YIPF3: variants seen among roughly 807,000 people sequenced by gnomAD.
YIPF3 encodes the protein protein YIPF3.
A neutral mutation model predicts 40.3 loss-of-function variants in YIPF3; 18 were observed. The observed-to-expected ratio is 0.45, with a 90% CI of 0.31 to 0.66. YIPF3 has a LOEUF of 0.66. Among genes scored for constraint, YIPF3 ranks in the 30% least tolerant of loss-of-function variants. YIPF3 has a pLI of 0.07. For missense variants in YIPF3, 406 were observed against 452.2 expected (o/e 0.90, Z 0.93); for synonymous variants, 190 against 179.6 (o/e 1.06, Z -0.46).
intron 1 of YIPF3, 75 bp downstream of exon 1, chr6:43,516,652 A>AGG: frequency 6.5e-7 from 1 of 1,548,562 alleles, no homozygotes; most frequent in South Asian, 1.1e-5. Flanking sequence ...CCAGGCCCAG[A>AGG]GGGGGAATCC....
intron 3 of YIPF3, 76 bp downstream of exon 3, chr6:43,515,519 G>A (rs1470880327): frequency 2.0e-6 from 3 of 1,495,014 alleles, no homozygotes; most frequent in Admixed American, 1.7e-5. Context: ...CAGAGCCCAG[G>A]GCTTGAAATC....
At position 43,516,578 on chromosome 6, in the gene YIPF3, A is replaced by G. The variant is rs567012813; in HGVS notation, c.81+149T>C. The G allele has an allele frequency of 2.0e-5, 19 of 927,066 alleles. No individual in the cohort carries two copies. In the African/African-American group the frequency reaches 2.5e-4, roughly 12 times the overall value. The allele number at this position is 927,066 out of a possible 1,614,324, so 57.4% of individuals were successfully genotyped here. On this transcript the variant is annotated intron_variant, in intron 1 of 8. Coordinates refer to ENST00000372422, the MANE Select transcript of YIPF3 (RefSeq NM_015388.4). ...AGTCTGGCCCTTTCAGGTCAATGTT[A>G]ATCCCACTGACTTTAGTGTGCACGA... is the stretch of plus-strand genomic sequence containing the variant.
chr6:43,512,684 A>T (rs1294264205), intron 7 of YIPF3, 77 bp downstream of exon 7: 2 of 1,559,294 alleles, frequency 1.3e-6, no homozygotes, highest in East Asian at 4.6e-5. Flanking sequence ...GCTCTTTGTG[A>T]GATGGACAGC....
At position 43,512,236 on chromosome 6, in the gene YIPF3, A is replaced by G. The variant is rs1792685657; in HGVS notation, c.984T>C (p.Ala328=). 6.2e-7 allele frequency: 1 copy of G among 1,614,028 alleles called. No individual in the cohort carries two copies. Among genetic ancestry groups the G allele is most frequent in the African/African-American group, 1.3e-5 (1 of 74,952 alleles). The part of the protein sequence containing the change: ...VPRDIPAMLP[A]ARLPTTVLNA... ...TGAGGACGGTGGTGGGAAGCCGAGCAGCAGGGAGCATGGCAGGGATGTCTC... is the reference window on the plus strand; with the variant it reads ...TGAGGACGGTGGTGGGAAGCCGAGCGGCAGGGAGCATGGCAGGGATGTCTC... The change falls in exon 9 of 9, where the codon GCT becomes GCC. Residue 328 remains alanine (A), a synonymous_variant. Coordinates refer to ENST00000372422, the MANE Select transcript of YIPF3 (RefSeq NM_015388.4).
chr6:43,513,674 G>A (rs760114710), intron 3 of YIPF3, 41 bp from the exon 4 acceptor site: 12 of 1,518,156 alleles, frequency 7.9e-6, no homozygotes, highest in Non-Finnish European at 1.1e-5. Flanking sequence ...GGCAGCACAA[G>A]GCCATGAGGT....
At chr6:43,514,366 A>G (rs1236897340) in intron 3 of YIPF3, among the ~76,000 whole-genome samples, 2 of 152,180 alleles carry the variant, frequency 1.3e-5, no homozygotes, top group African/African-American at 4.8e-5. Flanking sequence ...TTAGAATGAA[A>G]GGTGTTACTG....
At chr6:43,515,214 G>A (rs1423526552) in intron 3 of YIPF3, 8 of 454,874 alleles carry the variant, frequency 1.8e-5, no homozygotes, top group Admixed American at 7.2e-5. Flanking sequence ...GGATGGTCTC[G>A]ATCTCCTGAC....
intron 7 of YIPF3, 32 bp downstream of exon 7, chr6:43,512,729 G>T: frequency 6.2e-7 from 1 of 1,601,630 alleles, no homozygotes; most frequent in East Asian, 2.2e-5. Flanking sequence ...TGGGAGGACA[G>T]CCCACCCCTG....
rs868263912 is a variant in YIPF3 at position 43,513,591 on chromosome 6, G to A, written c.438C>T (p.Pro146=). The change falls in exon 4 of 9, where the codon CCC becomes CCT. Residue 146 remains proline (P), a synonymous_variant. Coordinates refer to ENST00000372422, the MANE Select transcript of YIPF3 (RefSeq NM_015388.4). ...AGACATGCCACCCTCTATTCACCTG[G>A]GGGAAGTTGACCATCTTGATAGGGA... ...SMIPIKMVNF[P]QKIAGELYGP... 4 of 1,582,936 alleles carry A rather than the reference G, an allele frequency of 2.5e-6. No individual in the cohort carries two copies. Among genetic ancestry groups the A allele is most frequent in the Non-Finnish European group, 3.4e-6 (4 of 1,163,796 alleles).
chr6:43,513,771 A>G, intron 3 of YIPF3, 138 bp from the exon 4 acceptor site: 1 of 782,040 alleles, frequency 1.3e-6, no homozygotes, highest in Non-Finnish European at 2.0e-6. Flanking sequence ...ACACGGTAGA[A>G]CAGGGTAGTA....
In YIPF3 at chr6:43,516,057, A is replaced by G. The variant is rs1264908163; in HGVS notation, c.120T>C (p.Asp40=). 6.2e-7 allele frequency: 1 copy of G among 1,614,250 alleles called. No individual in the cohort carries two copies. Among genetic ancestry groups the G allele is most frequent in the Non-Finnish European group, 8.5e-7 (1 of 1,180,042 alleles). Residue 40 remains aspartate (D), a synonymous_variant, in exon 2 of 9, where the codon GAT becomes GAC. Coordinates refer to ENST00000372422, the MANE Select transcript of YIPF3 (RefSeq NM_015388.4). ...GSAVIDMENM[D]DTSGSSFEDM... is the part of the protein sequence containing the mutation. ...CCTCGAAGCTAGAGCCTGAGGTATC[A>G]TCCATGTTCTCCATGTCAATCACAG...
chr6:43,513,484 G>A (rs1394375820), intron 4 of YIPF3, 33 bp from the exon 5 acceptor site: 3 of 1,613,378 alleles, frequency 1.9e-6, no homozygotes, highest in African/African-American at 1.3e-5. Context: ...AGGCTGGAGG[G>A]TACAACAGCT....
intron 1 of YIPF3, 195 bp from the exon 2 acceptor site, chr6:43,516,290 C>G: frequency 7.9e-7 from 1 of 1,267,306 alleles, no homozygotes; most frequent in East Asian, 2.6e-5. Context: ...CTTTTCTAGC[C>G]TGGGAAACCT....
At chr6:43,513,800 G>A (rs933515067) in intron 3 of YIPF3, 167 bp from the exon 4 acceptor site, 4 of 580,122 alleles carry the variant, frequency 6.9e-6, no homozygotes, top group Non-Finnish European at 1.1e-5. Context: ...TAGGGAATGA[G>A]GAAATCATTT....
intron 3 of YIPF3, among the ~76,000 whole-genome samples, chr6:43,514,427 C>CT (rs1177540393): frequency 6.6e-6 from 1 of 152,226 alleles, no homozygotes; most frequent in Non-Finnish European, 1.5e-5. Flanking sequence ...CCTCCAGGCA[C>CT]TTTCGAGTAT....
intron 3 of YIPF3, among the ~76,000 whole-genome samples, chr6:43,514,008 G>A (rs981132269): frequency 1.3e-5 from 2 of 152,204 alleles, no homozygotes; most frequent in African/African-American, 4.8e-5. Context: ...TTGGGAGGCC[G>A]AGGCAGGCAG....
Position 43,516,817 on chromosome 6 carries a change from G to A in YIPF3, c.-10C>T, listed in dbSNP as rs759041559. On this transcript the variant is annotated 5_prime_UTR_variant, in exon 1 of 9. Coordinates refer to ENST00000372422, the MANE Select transcript of YIPF3 (RefSeq NM_015388.4). ...CCGCTGTAGTTGCCATGTCCCTTGA[G>A]GGCTCCCGTCGCTGAAACCCGCGCT... 10 of 1,565,774 alleles carry A rather than the reference G, an allele frequency of 6.4e-6. No individual in the cohort carries two copies. The highest frequency in any genetic ancestry group is 1.4e-5 in the African/African-American group (1 of 73,586).
In YIPF3 at chr6:43,513,610, A is replaced by T. The variant is rs1792715218; in HGVS notation, c.419T>A (p.Ile140Asn). 1 of 1,577,582 alleles carries T rather than the reference A, an allele frequency of 6.3e-7. No individual in the cohort carries two copies. Among genetic ancestry groups the T allele is most frequent in the Non-Finnish European group, 8.6e-7 (1 of 1,161,276 alleles). The change falls in exon 4 of 9, where the codon ATC (isoleucine) becomes AAC (asparagine). Residue 140 changes from isoleucine (I) to asparagine (N), a missense_variant. Ile to Asn is a moderately radical substitution (Grantham distance 149). Coordinates refer to ENST00000372422, the MANE Select transcript of YIPF3 (RefSeq NM_015388.4). The stretch of plus-strand genomic sequence containing the variant: ...CACCTGGGGGAAGTTGACCATCTTG[A>T]TAGGGATCATGGACTCCAGGAGCCT... ...RSRLLESMIP[I>N]KMVNFPQKIA...
chr6:43,514,183 G>A (rs1792728433), intron 3 of YIPF3, among the ~76,000 whole-genome samples: 1 of 152,234 alleles, frequency 6.6e-6, no homozygotes, highest in Non-Finnish European at 1.5e-5. Context: ...GGAGGTTGCA[G>A]TGAACCGAGA....
Sources: allele counts gnomAD v4.1 joint callset (sites outside exome capture counted in the v4.1 genomes callset), GRCh38; gene constraint gnomAD v4.1.1; transcripts MANE v1.5; gene names NCBI Gene and HGNC (gene_info 2026-07-23, HGNC 2026-07-21).